The following DNAAF1 variants were observed in gnomAD, a reference collection of about 807,000 sequenced individuals.
The protein encoded by DNAAF1 is dynein assembly factor 1, axonemal.
DNAAF1 carries 65 observed loss-of-function variants against 71.1 expected under a neutral mutation model. The observed-to-expected ratio is 0.91, with a 90% CI of 0.75 to 1.12. The LOEUF is 1.12. Ranked by LOEUF, DNAAF1 falls within the 50% of genes most tolerant of loss-of-function variation. The pLI, the probability that DNAAF1 is intolerant of heterozygous loss-of-function variation, is 0.00. For missense variants in DNAAF1, 1,178 were observed against 899.8 expected (o/e 1.31, Z -3.96); for synonymous variants, 414 against 354.6 (o/e 1.17, Z -1.88).
intron 10 of DNAAF1, chr16:84,174,942 A>G (rs2088574066): frequency 3.8e-6 from 2 of 526,684 alleles, no homozygotes; most frequent in East Asian, 3.9e-5. Context: ...TGCAACCTCC[A>G]CCTCCTGGGT....
chr16:84,152,127 G>A (rs370811185), intron 3 of DNAAF1, among the ~76,000 whole-genome samples: 1 of 152,306 alleles, frequency 6.6e-6, no homozygotes, highest in African/African-American at 2.4e-5. Context: ...TAGCAGTTAG[G>A]ATCTTAGGGA....
intron 3 of DNAAF1, among the ~76,000 whole-genome samples, chr16:84,150,853 A>T (rs150418336): frequency 1.0e-3 from 155 of 152,232 alleles, no homozygotes; most frequent in African/African-American, 3.4e-3. Flanking sequence ...AACCCAGTCG[A>T]TCCAGCTGCC....
At chr16:84,171,276 A>G (rs1226479919) in intron 8 of DNAAF1, among the ~76,000 whole-genome samples, 1 of 152,102 alleles carries the variant, frequency 6.6e-6, no homozygotes, top group South Asian at 2.1e-4. Flanking sequence ...CCTTCCCCGC[A>G]ACCCCCAAGC....
At chr16:84,174,929 C>T (rs2088573185) in intron 10 of DNAAF1, 1 of 584,730 alleles carries the variant, frequency 1.7e-6, no homozygotes, top group Non-Finnish European at 3.0e-6. Flanking sequence ...GTTCTTGGCT[C>T]ACTGCAACCT....
intron 11 of DNAAF1, 105 bp from the exon 12 acceptor site, chr16:84,177,624 C>T (rs538570219): frequency 2.4e-5 from 22 of 929,826 alleles, no homozygotes; most frequent in Middle Eastern, 2.1e-4. Flanking sequence ...CCACCACGCC[C>T]AGTTGAGGAC....
intron 5 of DNAAF1, among the ~76,000 whole-genome samples, chr16:84,158,544 A>G (rs1425348229): frequency 6.6e-6 from 1 of 152,152 alleles, no homozygotes. Flanking sequence ...TTTGATTAGG[A>G]CACAATTCAG....
At chr16:84,172,851 G>C (rs2088439700) in intron 9 of DNAAF1, 11 of 1,034,940 alleles carry the variant, frequency 1.1e-5, no homozygotes, top group Non-Finnish European at 1.3e-5. Context: ...GGCTCATGGA[G>C]GTGTGACGGT....
chr16:84,162,485 A>C (rs148271571), intron 6 of DNAAF1, among the ~76,000 whole-genome samples: 5,966 of 152,042 alleles, frequency 0.039, 363 homozygotes, highest in African/African-American at 0.14. Flanking sequence ...GAGTTGTGCA[A>C]CCATCACCAC....
chr16:84,174,122 A>T lies in DNAAF1; in HGVS notation c.1645-547A>T, dbSNP rs2088527500. Reference sequence around the variant, plus strand: ...CTTGCCCAAAGCCAGACAGCTAGAAAATGGTGGTGGGGGAGTAACAACCTA... The same window carrying T: ...CTTGCCCAAAGCCAGACAGCTAGAATATGGTGGTGGGGGAGTAACAACCTA... On this transcript the variant is annotated intron_variant, in intron 9 of 11. Coordinates refer to ENST00000378553, the MANE Select transcript of DNAAF1 (RefSeq NM_178452.6). 6 of 949,406 alleles carry T rather than the reference A, an allele frequency of 6.3e-6. No homozygotes were observed. In the South Asian group the frequency reaches 2.7e-4, roughly 43 times the overall value. 58.8% of individuals were successfully genotyped at this position (949,406 alleles called of 1,614,324 possible).
At chr16:84,166,030 C>A (rs774854567) in intron 7 of DNAAF1, 81 bp downstream of exon 7, 273 of 1,104,258 alleles carry the variant, frequency 2.5e-4, no homozygotes, top group Non-Finnish European at 3.2e-4. Flanking sequence ...AGTCTTTAAT[C>A]TTGGGAATTT....
In DNAAF1 at chr16:84,159,685, A is replaced by G. The variant is rs760764943; in HGVS notation, c.752A>G (p.Asn251Ser). 53 of 1,612,902 alleles carry G rather than the reference A, an allele frequency of 3.3e-5. No individual in the cohort carries two copies. The Admixed American group carries it at 8.3e-4, about 25-fold the overall frequency. Residue 251 changes from asparagine to serine, a missense_variant, in exon 6 of 12, where the codon AAT (asparagine) becomes AGT (serine). By Grantham distance (46) the Asn-to-Ser change is conservative. Transcript: ENST00000378553. Reference protein sequence around the residue: ...LESMPDLRVLNLMGNPVIRQI... With the variant: ...LESMPDLRVLSLMGNPVIRQI... The stretch of plus-strand genomic sequence containing the variant: ...CTTGTCTTCTTGCAGCGTGTACTGA[A>G]TTTGATGGGAAACCCGGTTATCAGA...
At chr16:84,168,656 T>C (rs2088150713) in intron 7 of DNAAF1, among the ~76,000 whole-genome samples, 1 of 152,200 alleles carries the variant, frequency 6.6e-6, no homozygotes, top group Admixed American at 6.5e-5. Flanking sequence ...CTATAACTAT[T>C]TTCCATACAA....
chr16:84,172,828 T>C, intron 9 of DNAAF1: 2 of 1,044,852 alleles, frequency 1.9e-6, no homozygotes, highest in Non-Finnish European at 2.3e-6. Context: ...GCTTAGGCTC[T>C]CACTGGCCTT....
At chr16:84,166,955 C>T (rs931348197) in intron 7 of DNAAF1, among the ~76,000 whole-genome samples, 2 of 152,220 alleles carry the variant, frequency 1.3e-5, no homozygotes, top group East Asian at 1.9e-4. Context: ...TTCTCTGACA[C>T]CAGCCGGCTG....
intron 1 of DNAAF1, among the ~76,000 whole-genome samples, chr16:84,145,897 A>G (rs2086879116): frequency 6.6e-6 from 1 of 152,048 alleles, no homozygotes; most frequent in South Asian, 2.1e-4. Context: ...GGAGTTCGAG[A>G]CCAGCCTGGC....
intron 1 of DNAAF1, among the ~76,000 whole-genome samples, chr16:84,147,823 T>C (rs2086984315): frequency 6.6e-6 from 1 of 152,090 alleles, no homozygotes; most frequent in African/African-American, 2.4e-5. Flanking sequence ...CCCAGCACTT[T>C]GGAAGGCCAA....
chr16:84,171,879 C>CT (rs775231302), intron 8 of DNAAF1, among the ~76,000 whole-genome samples: 14,545 of 138,860 alleles, frequency 0.1, 905 homozygotes, highest in South Asian at 0.25. Flanking sequence ...GGGTTTTTGT[C>CT]TTTTTTTTTT....
chr16:84,153,236 G>A (rs997276471), intron 3 of DNAAF1, among the ~76,000 whole-genome samples: 1 of 152,084 alleles, frequency 6.6e-6, no homozygotes, highest in Admixed American at 6.6e-5. Flanking sequence ...AAAAATTTTT[G>A]TGGAGAGGGT....
At chr16:84,172,029 C>T (rs993157479) in intron 8 of DNAAF1, among the ~76,000 whole-genome samples, 2 of 152,138 alleles carry the variant, frequency 1.3e-5, no homozygotes, top group Admixed American at 1.3e-4. Flanking sequence ...AGGTGCCCGC[C>T]ACCACACCTG....
Sources: gnomAD v4.1 joint callset for allele counts (sites outside exome capture counted in the v4.1 genomes callset) on GRCh38, gnomAD v4.1.1 for gene constraint, MANE v1.5 for transcripts, NCBI Gene and HGNC (gene_info 2026-07-23, HGNC 2026-07-21) for gene names.